Variants in CDH4 observed in about 807,000 individuals in gnomAD.
CDH4 encodes the protein cadherin-4.
In CDH4, 33 loss-of-function variants were observed where a neutral mutation model predicts 86.0. That is an observed-to-expected ratio of 0.38 (90% CI 0.29 to 0.51). The LOEUF is 0.51. Ranked by LOEUF, CDH4 falls within the 20% of genes least tolerant of loss-of-function variation. CDH4 has a pLI of 0.86. For synonymous variants in CDH4, 555 were observed against 549.4 expected (o/e 1.01, Z -0.14); for missense variants, 1,114 against 1,307.4 (o/e 0.85, Z 2.28).
intron 2 of CDH4, among the ~76,000 whole-genome samples, chr20:61,651,665 T>A (rs1461892993): frequency 6.6e-6 from 1 of 152,226 alleles, no homozygotes; most frequent in Non-Finnish European, 1.5e-5. Flanking sequence ...TCAGCATTGC[T>A]GCAGGGGACT....
At chr20:61,272,099 G>GT (rs1375491917) in intron 2 of CDH4, among the ~76,000 whole-genome samples, 4 of 152,332 alleles carry the variant, frequency 2.6e-5, no homozygotes, top group Non-Finnish European at 5.9e-5. Flanking sequence ...CCCAAGAAGA[G>GT]TTTTTTCATG....
chr20:61,821,007 G>A (rs1340886768), intron 4 of CDH4, among the ~76,000 whole-genome samples: 2 of 151,942 alleles, frequency 1.3e-5, no homozygotes, highest in East Asian at 1.9e-4. Flanking sequence ...GTAGTTCTAG[G>A]ATTTGCGGGG....
At chr20:61,613,104 G>A (rs571701444) in intron 2 of CDH4, among the ~76,000 whole-genome samples, 7 of 152,078 alleles carry the variant, frequency 4.6e-5, no homozygotes, top group South Asian at 2.1e-4. Flanking sequence ...TGTTTGCCTC[G>A]TCTCTTCATC....
At chr20:61,370,977 GGGGT>G (rs2084837085) in intron 2 of CDH4, 1 of 152,272 alleles carries the variant, frequency 6.6e-6, no homozygotes, top group African/African-American at 2.4e-5. Context: ...GCTCTGGGCA[GGGGT>G]CGCTTGGAGA....
intron 4 of CDH4, among the ~76,000 whole-genome samples, chr20:61,821,582 G>A (rs534703398): frequency 1.5e-4 from 23 of 151,694 alleles, no homozygotes; most frequent in African/African-American, 5.3e-4. Context: ...GTTCCAGGAG[G>A]CAGAAAGGTC....
chr20:61,885,173 G>A (rs986197941), intron 7 of CDH4, among the ~76,000 whole-genome samples: 5 of 152,282 alleles, frequency 3.3e-5, no homozygotes, highest in South Asian at 2.1e-4. Flanking sequence ...GAGCTCACAC[G>A]CCACCAAACA....
intron 6 of CDH4, among the ~76,000 whole-genome samples, chr20:61,871,088 A>C (rs1030468180): frequency 6.6e-6 from 1 of 152,112 alleles, no homozygotes; most frequent in Non-Finnish European, 1.5e-5. Flanking sequence ...AGAGAGACAG[A>C]GACAGAGCTC....
chr20:61,669,471 G>A lies in CDH4; in HGVS notation c.170-74092G>A, dbSNP rs564278167. Reference sequence around the variant, plus strand: ...TCTCACATCACTGGGAGCCTCTGAGGGTTTCAGCAGGAGTGGAGGCTGTCG... The same window carrying A: ...TCTCACATCACTGGGAGCCTCTGAGAGTTTCAGCAGGAGTGGAGGCTGTCG... On this transcript the variant is annotated intron_variant, in intron 2 of 15. Coordinates refer to ENST00000614565, the MANE Select transcript of CDH4 (RefSeq NM_001794.5). 4.6e-5 allele frequency among the ~76,000 whole-genome samples: 7 copies of A among 152,356 alleles called. No homozygotes were observed. In the South Asian group the frequency reaches 1.0e-3, roughly 23 times the overall value.
chr20:61,497,300 T>C (rs2085669897), intron 2 of CDH4, among the ~76,000 whole-genome samples: 2 of 152,210 alleles, frequency 1.3e-5, no homozygotes, highest in African/African-American at 4.8e-5. Flanking sequence ...TCTCTTTTCC[T>C]GCTTCTCTCC....
chr20:61,625,259 G>A (rs1306357534), intron 2 of CDH4, among the ~76,000 whole-genome samples: 1 of 152,224 alleles, frequency 6.6e-6, no homozygotes, highest in Non-Finnish European at 1.5e-5. Flanking sequence ...CGACCGCAGG[G>A]AGGGAGAGGC....
At position 61,910,449 on chromosome 20, in the gene CDH4, G is replaced by C. The variant is rs151072387; in HGVS notation, c.1216G>C (p.Val406Leu). Residue 406 changes from valine to leucine, a missense_variant, in exon 9 of 16, where the codon GTG becomes CTG. This residue lies in a region of CDH4 where 705 missense variants were observed against 914.1 expected (regional missense o/e 0.77). Transcript: ENST00000614565. ...TFAGEVPENR[V>L]ETVVANLTVM... ...TGCAGGGGAGGTCCCCGAAAACCGC[G>C]TGGAGACCGTGGTCGCAAACCTCAC... The C allele has an allele frequency of 6.2e-7, 1 of 1,613,746 alleles. No homozygotes were observed. The highest frequency in any genetic ancestry group is 8.5e-7 in the Non-Finnish European group (1 of 1,179,870).
intron 2 of CDH4, among the ~76,000 whole-genome samples, chr20:61,382,963 A>G (rs947182841): frequency 2.0e-5 from 3 of 150,734 alleles, no homozygotes; most frequent in Admixed American, 6.7e-5. Flanking sequence ...ACACAAGTCA[A>G]TCGGTACACA....
At chr20:61,822,651 G>A (rs898990205) in intron 4 of CDH4, among the ~76,000 whole-genome samples, 6 of 152,190 alleles carry the variant, frequency 3.9e-5, no homozygotes, top group Admixed American at 6.5e-5. Context: ...CACCCCCGAC[G>A]CCCCTGCTTC....
rs535202760 is a variant in CDH4 at position 61,463,044 on chromosome 20, A to G, written c.169+208107A>G. ...GGGTGGTTTCCACCATACTGTTCTC[A>G]TGGCAGTGAATAAGTCTCATGAGGT... On this transcript the variant is annotated intron_variant, in intron 2 of 15. Transcript: ENST00000614565. Among the ~76,000 whole-genome samples, 10 of 152,320 alleles carry G rather than the reference A, an allele frequency of 6.6e-5. No homozygotes were observed. The East Asian group carries it at 1.9e-3, about 29-fold the overall frequency.
intron 2 of CDH4, among the ~76,000 whole-genome samples, chr20:61,302,302 C>T (rs2084390082): frequency 6.6e-6 from 1 of 152,212 alleles, no homozygotes; most frequent in Admixed American, 6.5e-5. Flanking sequence ...AGTCCGTATC[C>T]TCACTGTGGT....
At chr20:61,403,147 G>A (rs758938299) in intron 2 of CDH4, among the ~76,000 whole-genome samples, 11 of 152,176 alleles carry the variant, frequency 7.2e-5, no homozygotes, top group Non-Finnish European at 1.3e-4. Context: ...TGGAGGTCCA[G>A]CAGCCACCTT....
intron 4 of CDH4, among the ~76,000 whole-genome samples, chr20:61,825,466 C>T (rs1046634886): frequency 2.0e-5 from 3 of 152,078 alleles, no homozygotes; most frequent in African/African-American, 2.4e-5. Flanking sequence ...AGCTCTTGCC[C>T]CAACACCAAG....
At chr20:61,656,050 G>T (rs1600845573) in intron 2 of CDH4, among the ~76,000 whole-genome samples, 1 of 152,328 alleles carries the variant, frequency 6.6e-6, no homozygotes, top group East Asian at 1.9e-4. Flanking sequence ...AGTGAGAGGG[G>T]CTGGTGGAGC....
rs1029931374 is a variant in CDH4 at position 61,267,982 on chromosome 20, G to A, written c.169+13045G>A. ...CTGAGTCTGGCTTCAGGGCAGATCCGTGTCCCTCTTGCAGCCTGTGTTGCA... is the reference window on the plus strand; with the variant it reads ...CTGAGTCTGGCTTCAGGGCAGATCCATGTCCCTCTTGCAGCCTGTGTTGCA... On this transcript the variant is annotated intron_variant, in intron 2 of 15. Coordinates refer to ENST00000614565, the MANE Select transcript of CDH4 (RefSeq NM_001794.5). 4.6e-5 allele frequency among the ~76,000 whole-genome samples: 7 copies of A among 152,364 alleles called. No homozygotes were observed. In the South Asian group the frequency reaches 6.2e-4, roughly 14 times the overall value.
Sources: gnomAD v4.1 joint callset for allele counts (sites outside exome capture counted in the v4.1 genomes callset) on GRCh38, gnomAD v4.1.1 for gene constraint, gnomAD v4.1.1 regional missense constraint, MANE v1.5 for transcripts, NCBI Gene and HGNC (gene_info 2026-07-23, HGNC 2026-07-21) for gene names.